FOLH1: variants seen among roughly 807,000 people sequenced by gnomAD.
The protein encoded by FOLH1 is folate hydrolase 1.
In FOLH1, 54 loss-of-function variants were observed where a neutral mutation model predicts 93.9. That is an observed-to-expected ratio of 0.57 (90% CI 0.46 to 0.72). The LOEUF (loss-of-function observed/expected upper bound fraction) is 0.72, where lower values mean the gene tolerates loss of function less well. Ranked by LOEUF, FOLH1 falls within the 30% of genes least tolerant of loss-of-function variation. The pLI is 0.00. For synonymous variants in FOLH1, 249 were observed against 303.6 expected, an observed-to-expected ratio of 0.82 and a Z score of 1.87; for missense variants, 571 against 892.5, an observed-to-expected ratio of 0.64 and a Z score of 4.59.
chr11:49,179,247 T>C (rs532953566), intron 7 of FOLH1, among the ~76,000 whole-genome samples: 41 of 152,300 alleles, frequency 2.7e-4, no homozygotes, highest in African/African-American at 9.9e-4. Context: ...GGCTGGGATA[T>C]AAAATGACTA....
intron 3 of FOLH1, among the ~76,000 whole-genome samples, chr11:49,197,479 A>C (rs1862743858): frequency 6.6e-6 from 1 of 152,300 alleles, no homozygotes; most frequent in Non-Finnish European, 1.5e-5. Flanking sequence ...GTGACATAAA[A>C]AAGTCAATAT....
chr11:49,148,898 T>C (rs758055771), intron 17 of FOLH1, among the ~76,000 whole-genome samples, 167 bp from the exon 18 acceptor site: 6 of 152,184 alleles, frequency 3.9e-5, no homozygotes, highest in Admixed American at 6.5e-5. Flanking sequence ...AGGACACATG[T>C]ATGTGAAAAG....
At chr11:49,183,612 T>G (rs551274769) in intron 6 of FOLH1, among the ~76,000 whole-genome samples, 1 of 152,212 alleles carries the variant, frequency 6.6e-6, no homozygotes, top group South Asian at 2.1e-4. Context: ...TTAGACAAAG[T>G]CTAGGTTTCT....
chr11:49,156,030 T>C (rs1856997301), intron 15 of FOLH1, among the ~76,000 whole-genome samples: 1 of 151,550 alleles, frequency 6.6e-6, no homozygotes. Flanking sequence ...TGATAGTGAA[T>C]AAGTCTCATG....
intron 12 of FOLH1, among the ~76,000 whole-genome samples, chr11:49,167,574 G>A (rs539748857): frequency 6.6e-5 from 10 of 152,246 alleles, no homozygotes; most frequent in Admixed American, 3.9e-4. Context: ...TAGCATTTTG[G>A]GAGAACAATG....
In FOLH1 at chr11:49,176,946, C is replaced by A. The variant is rs138240903; in HGVS notation, c.921-989G>T. 2.6e-3 allele frequency among the ~76,000 whole-genome samples: 396 copies of A among 152,270 alleles called. 3 individuals carry two copies. Among genetic ancestry groups the A allele is most frequent in the African/African-American group, 9.3e-3 (386 of 41,550 alleles). ...TCAAAAGTGGAGAATTTCAATCTGT[C>A]CTGTAAGGCTTTCTCTGCGGTCACG... is the stretch of plus-strand genomic sequence containing the variant. On this transcript the variant is annotated intron_variant, in intron 7 of 18. Transcript: ENST00000256999.
At chr11:49,200,906 C>T (rs1011489261) in intron 2 of FOLH1, among the ~76,000 whole-genome samples, 1 of 152,014 alleles carries the variant, frequency 6.6e-6, no homozygotes, top group African/African-American at 2.4e-5. Flanking sequence ...TGATTAGCAA[C>T]CATTTATAAA....
intron 6 of FOLH1, among the ~76,000 whole-genome samples, chr11:49,184,889 T>C (rs1289048020): frequency 2.0e-5 from 3 of 152,204 alleles, no homozygotes; most frequent in African/African-American, 4.8e-5. Context: ...ATAAGACTAC[T>C]ATGTGGACTC....
chr11:49,190,170 G>A (rs1861865200), intron 4 of FOLH1, among the ~76,000 whole-genome samples: 1 of 152,090 alleles, frequency 6.6e-6, no homozygotes, highest in Non-Finnish European at 1.5e-5. Flanking sequence ...TAACTTTGAG[G>A]AGATTGTACC....
At chr11:49,170,744 T>C (rs1859160853) in intron 11 of FOLH1, among the ~76,000 whole-genome samples, 1 of 152,220 alleles carries the variant, frequency 6.6e-6, no homozygotes, top group Admixed American at 6.5e-5. Context: ...AAATTTGAAA[T>C]AGCTTAATTC....
At chr11:49,180,611 T>C (rs34913116) in intron 7 of FOLH1, among the ~76,000 whole-genome samples, 10,713 of 152,248 alleles carry the variant, frequency 0.07, 429 homozygotes, top group Middle Eastern at 0.11. Context: ...TAGTGCACAA[T>C]GCTAAACTGC....
rs1590386895 is a variant in FOLH1 at position 49,146,956 on chromosome 11, A to G, written c.2064-11T>C. 6.2e-7 allele frequency: 1 copy of G among 1,605,032 alleles called. No homozygotes were observed. Among genetic ancestry groups the G allele is most frequent in the Non-Finnish European group, 8.5e-7 (1 of 1,175,166 alleles). On this transcript the variant is annotated splice_polypyrimidine_tract_variant and intron_variant, in intron 18 of 18. Transcript: ENST00000256999. The stretch of plus-strand genomic sequence containing the variant: ...GCATAGATGACATGCCTGTTGATAA[A>G]ATCGTTTGCTGTTTATTAGGTGCCC...
chr11:49,197,675 G>A (rs2135291476), intron 3 of FOLH1, among the ~76,000 whole-genome samples: 1 of 152,218 alleles, frequency 6.6e-6, no homozygotes, highest in Non-Finnish European at 1.5e-5. Flanking sequence ...TAGCTCAGCT[G>A]TGAACTGTTA....
intron 4 of FOLH1, among the ~76,000 whole-genome samples, chr11:49,189,243 C>G (rs1316893202): frequency 6.6e-6 from 1 of 152,154 alleles, no homozygotes. Context: ...TCATGCTTGC[C>G]TTTCGAAAGT....
At chr11:49,169,687 T>G (rs1197469354) in intron 11 of FOLH1, among the ~76,000 whole-genome samples, 2 of 152,204 alleles carry the variant, frequency 1.3e-5, no homozygotes, top group Non-Finnish European at 1.5e-5. Context: ...TGTATGAAAT[T>G]TTAAGTTAAA....
chr11:49,186,024 C>A, intron 5 of FOLH1, 169 bp from the exon 6 acceptor site: 1 of 966,132 alleles, frequency 1.0e-6, no homozygotes, highest in Non-Finnish European at 1.4e-6. Context: ...TTTCTTTTTG[C>A]TACTATAAGC....
intron 15 of FOLH1, among the ~76,000 whole-genome samples, chr11:49,154,952 A>G (rs55729124): frequency 0.042 from 6,318 of 152,090 alleles, 152 homozygotes; most frequent in Non-Finnish European, 0.055. Flanking sequence ...CAAGCAGTGT[A>G]CTGAAGGCTG....
At position 49,158,975 on chromosome 11, in the gene FOLH1, T is replaced by C. The variant is rs150475830; in HGVS notation, c.1441-932A>G. ...TAGGAATGCTAGCAATTTTTGTACA[T>C]TGATTTTGTATCCTGAGACTGCTAT... On this transcript the variant is annotated intron_variant, in intron 13 of 18. Coordinates refer to ENST00000256999, the MANE Select transcript of FOLH1 (RefSeq NM_004476.3). Among the ~76,000 whole-genome samples the C allele has an allele frequency of 5.9e-3, 903 of 152,324 alleles. 13 individuals carry two copies. Among genetic ancestry groups the C allele is most frequent in the African/African-American group, 0.021 (865 of 41,576 alleles).
At chr11:49,170,815 A>G (rs182936783) in intron 11 of FOLH1, among the ~76,000 whole-genome samples, 1 of 152,334 alleles carries the variant, frequency 6.6e-6, no homozygotes, top group East Asian at 1.9e-4. Flanking sequence ...TATTCACTGA[A>G]AAGTCTGTTA....
Sources: gnomAD v4.1 joint callset for allele counts (sites outside exome capture counted in the v4.1 genomes callset) on GRCh38, gnomAD v4.1.1 for gene constraint, MANE v1.5 for transcripts, NCBI Gene and HGNC (gene_info 2026-07-23, HGNC 2026-07-21) for gene names.